The following XYLT1 variants were observed in gnomAD, a reference collection of about 807,000 sequenced individuals.
XYLT1 encodes beta-D-xylosyltransferase 1.
XYLT1 carries 36 observed loss-of-function variants against 91.3 expected under a neutral mutation model. The observed-to-expected ratio is 0.39, with a 90% CI of 0.30 to 0.52. The LOEUF (loss-of-function observed/expected upper bound fraction) is 0.52. XYLT1 is among the 20% of genes least tolerant of loss of function. XYLT1 has a pLI of 0.68. For missense variants in XYLT1, 1,242 were observed against 1,284.5 expected (o/e 0.97, Z 0.51); for synonymous variants, 588 against 532.0 (o/e 1.11, Z -1.45).
At chr16:17,222,291 T>C (rs953849849) in intron 3 of XYLT1, among the ~76,000 whole-genome samples, 3 of 152,206 alleles carry the variant, frequency 2.0e-5, no homozygotes, top group African/African-American at 7.2e-5. Flanking sequence ...TAGCAATGTC[T>C]GGAGACATTT....
At position 17,252,315 on chromosome 16, in the gene XYLT1, C is replaced by T. The variant is rs1006823057; in HGVS notation, c.913+6673G>A. Among the ~76,000 whole-genome samples the T allele has an allele frequency of 3.3e-5, 5 of 152,240 alleles. No homozygotes were observed. In the South Asian group the frequency reaches 6.2e-4, roughly 19 times the overall value. ...GCGGTTAGGGTTATGTCATGAGTAA[C>T]GGCAGAGCCAGGAATTAAACCCCAT... is the stretch of plus-strand genomic sequence containing the variant. On this transcript the variant is annotated intron_variant, in intron 3 of 11. Transcript: ENST00000261381.
chr16:17,281,243 C>T (rs970809005), intron 2 of XYLT1, among the ~76,000 whole-genome samples: 4 of 151,954 alleles, frequency 2.6e-5, no homozygotes, highest in Admixed American at 1.3e-4. Flanking sequence ...CGGTCACGCC[C>T]GGGGTTGTGA....
chr16:17,459,642 C>T (rs1366825386), intron 1 of XYLT1, among the ~76,000 whole-genome samples: 3 of 152,200 alleles, frequency 2.0e-5, no homozygotes, highest in Admixed American at 6.5e-5. Flanking sequence ...TCTTTCTTTT[C>T]GTTCAGCTCC....
At chr16:17,171,120 G>A (rs1236237578) in intron 5 of XYLT1, among the ~76,000 whole-genome samples, 1 of 152,168 alleles carries the variant, frequency 6.6e-6, no homozygotes, top group Non-Finnish European at 1.5e-5. Flanking sequence ...GAGAGATCTA[G>A]TACAGCTTAG....
chr16:17,365,260 A>G (rs2035437804), intron 1 of XYLT1, among the ~76,000 whole-genome samples: 1 of 152,020 alleles, frequency 6.6e-6, no homozygotes, highest in Non-Finnish European at 1.5e-5. Flanking sequence ...CCTCCTTCTT[A>G]GGGTCTCATT....
At chr16:17,339,736 C>T (rs1256210140) in intron 2 of XYLT1, among the ~76,000 whole-genome samples, 1 of 152,164 alleles carries the variant, frequency 6.6e-6, no homozygotes, top group East Asian at 1.9e-4. Flanking sequence ...CTTCATCTTC[C>T]AATCCCCAGC....
chr16:17,177,756 G>C (rs2031976377), intron 5 of XYLT1, among the ~76,000 whole-genome samples: 1 of 152,182 alleles, frequency 6.6e-6, no homozygotes, highest in African/African-American at 2.4e-5. Flanking sequence ...CAGGCAGTGA[G>C]TCAGTAGAAA....
intron 5 of XYLT1, among the ~76,000 whole-genome samples, chr16:17,184,525 G>A (rs1036095071): frequency 7.8e-6 from 1 of 127,808 alleles, no homozygotes; most frequent in Admixed American, 7.9e-5. Flanking sequence ...TAAGGTTCAT[G>A]AGCGCACAGT....
intron 1 of XYLT1, among the ~76,000 whole-genome samples, chr16:17,404,386 T>A (rs116132510): frequency 0.016 from 2,425 of 152,112 alleles, 75 homozygotes; most frequent in African/African-American, 0.056. Context: ...GCCTGCAAAG[T>A]CAAAACCGTA....
chr16:17,114,211 C>G (rs1473669714), intron 11 of XYLT1, among the ~76,000 whole-genome samples: 3 of 152,248 alleles, frequency 2.0e-5, no homozygotes, highest in African/African-American at 7.2e-5. Flanking sequence ...TCTTTCATAA[C>G]AAACCAATAG....
chr16:17,265,722 G>A (rs1161003403), intron 2 of XYLT1, among the ~76,000 whole-genome samples: 1 of 151,890 alleles, frequency 6.6e-6, no homozygotes, highest in Non-Finnish European at 1.5e-5. Flanking sequence ...GACCCACGCT[G>A]CTGCTGCAAA....
At chr16:17,398,891 C>G (rs1468557323) in intron 1 of XYLT1, among the ~76,000 whole-genome samples, 2 of 139,810 alleles carry the variant, frequency 1.4e-5, no homozygotes, top group Non-Finnish European at 3.0e-5. Context: ...GTCACCCAGG[C>G]TGGAGTGCAG....
chr16:17,186,982 G>A (rs527741682), intron 5 of XYLT1, among the ~76,000 whole-genome samples: 1 of 152,228 alleles, frequency 6.6e-6, no homozygotes, highest in East Asian at 1.9e-4. Context: ...AAGGAAGGGG[G>A]CACACAGGCT....
intron 3 of XYLT1, among the ~76,000 whole-genome samples, chr16:17,217,337 GT>G (rs1282601261): frequency 6.6e-6 from 1 of 152,062 alleles, no homozygotes; most frequent in Non-Finnish European, 1.5e-5. Flanking sequence ...AATACTTACT[GT>G]AGAAAATTCA....
At chr16:17,191,699 T>C (rs1022645108) in intron 5 of XYLT1, among the ~76,000 whole-genome samples, 4 of 152,324 alleles carry the variant, frequency 2.6e-5, no homozygotes, top group African/African-American at 9.6e-5. Flanking sequence ...CCTGTTCCTG[T>C]CTTTACCAGC....
chr16:17,404,887 GC>G (rs1158682932), intron 1 of XYLT1, among the ~76,000 whole-genome samples: 1 of 152,170 alleles, frequency 6.6e-6, no homozygotes, highest in Non-Finnish European at 1.5e-5. Flanking sequence ...CTGCAACCAC[GC>G]GCATCTGCCC....
At chr16:17,109,312 C>T (rs1314669577) in intron 11 of XYLT1, among the ~76,000 whole-genome samples, 1 of 152,298 alleles carries the variant, frequency 6.6e-6, no homozygotes, top group East Asian at 1.9e-4. Context: ...TATTTTTAAG[C>T]ACCTACATTG....
intron 4 of XYLT1, 76 bp from the exon 5 acceptor site, chr16:17,198,490 C>G: frequency 2.8e-6 from 4 of 1,435,802 alleles, no homozygotes; most frequent in Non-Finnish European, 3.8e-6. Context: ...CCCCTGTCCC[C>G]TCTCTGTGTC....
chr16:17,415,579 C>A (rs1286275805), intron 1 of XYLT1, among the ~76,000 whole-genome samples: 1 of 152,090 alleles, frequency 6.6e-6, no homozygotes, highest in Non-Finnish European at 1.5e-5. Flanking sequence ...GTAGTCCCAG[C>A]TACTCAGGAG....
Sources: allele counts gnomAD v4.1 joint callset (sites outside exome capture counted in the v4.1 genomes callset), GRCh38; gene constraint gnomAD v4.1.1; transcripts MANE v1.5; gene names NCBI Gene and HGNC (gene_info 2026-07-23, HGNC 2026-07-21).